EME2: variants seen among roughly 807,000 people sequenced by gnomAD.
EME2 encodes the protein essential meiotic structure-specific endonuclease subunit 2, also known as structure-specific endonuclease subunit EME2.
Under a neutral mutation model 41.9 loss-of-function variants are expected in EME2, and 58 were observed. The observed-to-expected ratio is 1.38, with a 90% CI of 1.12 to 1.72. The LOEUF (loss-of-function observed/expected upper bound fraction) is 1.72. Ranked by LOEUF, EME2 falls within the 40% of genes most tolerant of loss-of-function variation. The probability of loss-of-function intolerance (pLI) is 0.00; values close to 1 mark genes in which losing one functional copy is unlikely to be tolerated. For missense variants in EME2, 695 were observed against 541.9 expected, an observed-to-expected ratio of 1.28 and a Z score of -2.81; for synonymous variants, 334 against 239.3, an observed-to-expected ratio of 1.40 and a Z score of -3.65.
Position 1,775,842 on chromosome 16 carries a change from C to T in EME2, c.825C>T (p.Arg275=). The T allele has an allele frequency of 6.2e-7, 1 of 1,612,066 alleles. No individual in the cohort carries two copies. The highest frequency in any genetic ancestry group is 8.5e-7 in the Non-Finnish European group (1 of 1,179,764). ...SQAFSFCTAG[R]WAAGEPVARD... The stretch of plus-strand genomic sequence containing the variant: ...CCTTCTCCTTCTGCACAGCAGGGCG[C>T]TGGGCAGCCGGCGAGCCAGTGGCAA... Residue 275 remains arginine (R), a synonymous_variant, in exon 7 of 8, where the codon CGC becomes CGT. Transcript: ENST00000568449.
rs542039754 is a variant in EME2, at chr16:1,776,705, C to T, written c.*467C>T. 4.3e-4 allele frequency: 133 copies of T among 306,346 alleles called. 2 individuals carry two copies. The South Asian group carries it at 6.7e-3, about 15-fold the overall frequency. 19.0% of individuals were successfully genotyped at this position (306,346 alleles called of 1,614,324 possible). ...CTCTGCACGGATACGTTTCAGCTCA[C>T]GCCATGTGGGTGTTAGACATCAACT... On this transcript the variant is annotated 3_prime_UTR_variant, in exon 8 of 8. Transcript: ENST00000568449.
rs370198184 is a variant in EME2, at chr16:1,778,412, C to T, written c.*2174C>T. On this transcript the variant is annotated 3_prime_UTR_variant, in exon 8 of 8. Coordinates refer to ENST00000568449, the MANE Select transcript of EME2 (RefSeq NM_001257370.2). Reference sequence around the variant, plus strand: ...AGGCCCGCCCGCAGTGCAGTCCCAGCAGGGGCTGGGCCCCACGCTCACACT... The same window carrying T: ...AGGCCCGCCCGCAGTGCAGTCCCAGTAGGGGCTGGGCCCCACGCTCACACT... 1.6e-5 allele frequency: 26 copies of T among 1,605,914 alleles called. No individual in the cohort carries two copies. Among genetic ancestry groups the T allele is most frequent in the African/African-American group, 1.1e-4 (8 of 74,940 alleles).
rs372873109 is a variant in EME2 at position 1,777,359 on chromosome 16, C to T, written c.*1121C>T. On this transcript the variant is annotated 3_prime_UTR_variant, in exon 8 of 8. Coordinates refer to ENST00000568449, the MANE Select transcript of EME2 (RefSeq NM_001257370.2). ...GAGGGAAGTGGCGCTGGCACAGGAG[C>T]GGGTGACCTTCATGCTGCTCCGGGC... is the stretch of plus-strand genomic sequence containing the variant. The T allele has an allele frequency of 1.2e-5, 20 of 1,605,956 alleles. No homozygotes were observed. The highest frequency in any genetic ancestry group is 1.6e-5 in the Non-Finnish European group (19 of 1,178,398).
Position 1,776,252 on chromosome 16 carries a change from C to G in EME2, c.*14C>G. On this transcript the variant is annotated 3_prime_UTR_variant, in exon 8 of 8. Transcript: ENST00000568449. ...CTGGGCTCCTGACCACACGTGGGACCACCAGGACAGCATGCAGCCTTGGGG... is the reference window on the plus strand; with the variant it reads ...CTGGGCTCCTGACCACACGTGGGACGACCAGGACAGCATGCAGCCTTGGGG... The G allele has an allele frequency of 6.2e-7, 1 of 1,611,596 alleles. No individual in the cohort carries two copies. The highest frequency in any genetic ancestry group is 8.5e-7 in the Non-Finnish European group (1 of 1,179,388).
In EME2 at chr16:1,777,364, G is replaced by A. The variant is rs2042729851; in HGVS notation, c.*1126G>A. 4 of 1,605,586 alleles carry A rather than the reference G, an allele frequency of 2.5e-6. No individual in the cohort carries two copies. The African/African-American group carries it at 4.0e-5, about 16-fold the overall frequency. ...AAGTGGCGCTGGCACAGGAGCGGGTGACCTTCATGCTGCTCCGGGCCGCCG... is the reference window on the plus strand; with the variant it reads ...AAGTGGCGCTGGCACAGGAGCGGGTAACCTTCATGCTGCTCCGGGCCGCCG... On this transcript the variant is annotated 3_prime_UTR_variant, in exon 8 of 8. Coordinates refer to ENST00000568449, the MANE Select transcript of EME2 (RefSeq NM_001257370.2).
chr16:1,773,926 A>G (rs907979650), intron 2 of EME2, 85 bp downstream of exon 2: 4 of 1,442,714 alleles, frequency 2.8e-6, no homozygotes, highest in Non-Finnish European at 3.7e-6. Context: ...TCCCTGAGGC[A>G]GCTGCCCTGG....
In EME2 at chr16:1,781,559, G is replaced by C; in HGVS notation, c.*5321G>C. On this transcript the variant is annotated 3_prime_UTR_variant, in exon 8 of 8. Transcript: ENST00000568449. ...CAGCACTCCCAGCCCTGAGCTTCCA[G>C]GCTGGGCCACGGACCCACTCAAAGT... is the stretch of plus-strand genomic sequence containing the variant. 3.9e-6 allele frequency: 6 copies of C among 1,555,064 alleles called. No individual in the cohort carries two copies. Among genetic ancestry groups the C allele is most frequent in the South Asian group, 1.2e-5 (1 of 83,492 alleles).
chr16:1,775,548 A>G, intron 5 of EME2, 21 bp from the exon 6 acceptor site: 1 of 1,611,110 alleles, frequency 6.2e-7, no homozygotes, highest in Non-Finnish European at 8.5e-7. Flanking sequence ...GCTCGTGCCC[A>G]TCAGCTTGCC....
rs2042675921 is a variant in EME2, at chr16:1,774,252, C to A, written c.385-8C>A. On this transcript the variant is annotated splice_region_variant and splice_polypyrimidine_tract_variant and intron_variant, in intron 2 of 7. Transcript: ENST00000568449. ...GACAGGCAGCAGCGCGTCCCCATGTCCCCACAGCTGCCTCCTGAAGTGTGG... is the reference window on the plus strand; with the variant it reads ...GACAGGCAGCAGCGCGTCCCCATGTACCCACAGCTGCCTCCTGAAGTGTGG... 1.9e-6 allele frequency: 3 copies of A among 1,611,508 alleles called. No homozygotes were observed. The highest frequency in any genetic ancestry group is 2.5e-6 in the Non-Finnish European group (3 of 1,178,978).
In EME2 at chr16:1,777,074, A is replaced by C; in HGVS notation, c.*836A>C. The C allele has an allele frequency of 6.2e-7, 1 of 1,605,048 alleles. No individual in the cohort carries two copies. The highest frequency in any genetic ancestry group is 2.2e-5 in the East Asian group (1 of 44,772). ...GGAAAGGGGCTGTCCCAGCCCAAGA[A>C]GGCAGTTCCACTGGGAAGTCAGTCA... On this transcript the variant is annotated 3_prime_UTR_variant, in exon 8 of 8. Coordinates refer to ENST00000568449, the MANE Select transcript of EME2 (RefSeq NM_001257370.2).
rs950324195 is a variant in EME2 at position 1,781,041 on chromosome 16, G to A, written c.*4803G>A. On this transcript the variant is annotated 3_prime_UTR_variant, in exon 8 of 8. Transcript: ENST00000568449. Reference sequence around the variant, plus strand: ...AGCCACAGTGCCCAGCCCCGTAGTGGAGAATTTCTGTTGAATGAACCAAAA... The same window carrying A: ...AGCCACAGTGCCCAGCCCCGTAGTGAAGAATTTCTGTTGAATGAACCAAAA... 17 of 738,824 alleles carry A rather than the reference G, an allele frequency of 2.3e-5. No individual in the cohort carries two copies. Among genetic ancestry groups the A allele is most frequent in the Non-Finnish European group, 3.4e-5 (17 of 498,140 alleles). The allele number at this position is 738,824 out of a possible 1,614,324, so 45.8% of individuals were successfully genotyped here.
Position 1,773,745 on chromosome 16 carries a change from C to T in EME2, c.288C>T (p.Ala96=). Residue 96 remains alanine (A), a synonymous_variant, in exon 2 of 8, where the codon GCC becomes GCT. Coordinates refer to ENST00000568449, the MANE Select transcript of EME2 (RefSeq NM_001257370.2). ...EDAGADVLME[A]LEALGCECRI... is the part of the protein sequence containing the mutation. ...CCGGTGCCGACGTCCTGATGGAGGC[C>T]CTGGAGGCCCTGGGCTGCGAGTGCC... is the stretch of plus-strand genomic sequence containing the variant. 6.5e-7 allele frequency: 1 copy of T among 1,549,170 alleles called. No homozygotes were observed. Among genetic ancestry groups the T allele is most frequent in the African/African-American group, 1.4e-5 (1 of 73,142 alleles).
Position 1,777,469 on chromosome 16 carries a change from C to G in EME2, c.*1231C>G, listed in dbSNP as rs988920606. ...CTGGAAGGGAGGGGCCCAGCCTGAA[C>G]CCCAGGCAGGGAAGGGGCCAGCTAC... On this transcript the variant is annotated 3_prime_UTR_variant, in exon 8 of 8. Coordinates refer to ENST00000568449, the MANE Select transcript of EME2 (RefSeq NM_001257370.2). 2 of 1,469,366 alleles carry G rather than the reference C, an allele frequency of 1.4e-6. No individual in the cohort carries two copies. Among genetic ancestry groups the G allele is most frequent in the Non-Finnish European group, 1.8e-6 (2 of 1,111,262 alleles). 91.0% of individuals were successfully genotyped at this position (1,469,366 alleles called of 1,614,324 possible).
At position 1,776,532 on chromosome 16, in the gene EME2, C is replaced by T. The variant is rs1028351674; in HGVS notation, c.*294C>T. 5.0e-6 allele frequency: 2 copies of T among 399,084 alleles called. No homozygotes were observed. The highest frequency in any genetic ancestry group is 4.7e-5 in the South Asian group (1 of 21,134). The allele number at this position is 399,084 out of a possible 1,614,324, so 24.7% of individuals were successfully genotyped here. ...TGCCCCCCCAACACACACACACACT[C>T]GGCAGGGACCAGAAGGCAGCTCCAG... On this transcript the variant is annotated 3_prime_UTR_variant, in exon 8 of 8. Coordinates refer to ENST00000568449, the MANE Select transcript of EME2 (RefSeq NM_001257370.2).
chr16:1,774,157 C>T, intron 2 of EME2, 103 bp from the exon 3 acceptor site: 1 of 1,051,326 alleles, frequency 9.5e-7, no homozygotes, highest in Non-Finnish European at 1.4e-6. Context: ...AGGGCCTGGG[C>T]TTGGCTGGGG....
rs13889 is a variant in EME2 at position 1,777,001 on chromosome 16, C to T, written c.*763C>T. On this transcript the variant is annotated 3_prime_UTR_variant, in exon 8 of 8. Transcript: ENST00000568449. ...CCTCCGGACGGGCCTCATCCAACTC[C>T]GCCCTGGAGTGTGGCTGGAAGGAAG... The T allele has an allele frequency of 0.043, 61,529 of 1,418,554 alleles. 1,580 individuals are homozygous for T. The highest frequency in any genetic ancestry group is 0.052 in the Non-Finnish European group (54,636 of 1,046,078). The allele number at this position is 1,418,554 out of a possible 1,614,324, so 87.9% of individuals were successfully genotyped here.
rs560720142 is a variant in EME2 at position 1,777,031 on chromosome 16, A to G, written c.*793A>G. On this transcript the variant is annotated 3_prime_UTR_variant, in exon 8 of 8. Coordinates refer to ENST00000568449, the MANE Select transcript of EME2 (RefSeq NM_001257370.2). ...TGGAGTGTGGCTGGAAGGAAGGGAC[A>G]GAGAAAGAAGGGACAGAGGAAAGGG... is the stretch of plus-strand genomic sequence containing the variant. The G allele has an allele frequency of 2.0e-6, 3 of 1,532,916 alleles. No homozygotes were observed. In the African/African-American group the frequency reaches 4.1e-5, roughly 21 times the overall value. The allele number at this position is 1,532,916 out of a possible 1,614,324, so 95.0% of individuals were successfully genotyped here. A position where few individuals can be genotyped will look rare whatever the true frequency, so the allele number is the denominator to read the frequency against.
At position 1,777,179 on chromosome 16, in the gene EME2, G is replaced by A; in HGVS notation, c.*941G>A. 1 of 1,610,924 alleles carries A rather than the reference G, an allele frequency of 6.2e-7. No individual in the cohort carries two copies. The highest frequency in any genetic ancestry group is 8.5e-7 in the Non-Finnish European group (1 of 1,179,870). The stretch of plus-strand genomic sequence containing the variant: ...GGCGGAGGTCGCTGCCTGGGGATCG[G>A]ACACTGGAGCCTTGCGGCGGCTGCA... On this transcript the variant is annotated 3_prime_UTR_variant, in exon 8 of 8. Coordinates refer to ENST00000568449, the MANE Select transcript of EME2 (RefSeq NM_001257370.2).
At chr16:1,775,705 A>C (rs2042700721) in intron 6 of EME2, 21 bp downstream of exon 6, 1 of 1,612,740 alleles carries the variant, frequency 6.2e-7, no homozygotes, top group African/African-American at 1.3e-5. Context: ...CCAAGGCTGA[A>C]GGGGGGCAGG....
Sources: allele counts gnomAD v4.1 joint callset, GRCh38; gene constraint gnomAD v4.1.1; transcripts MANE v1.5; gene names NCBI Gene and HGNC (gene_info 2026-07-23, HGNC 2026-07-21).